SYCE2: variants seen among roughly 807,000 people sequenced by gnomAD.
SYCE2 encodes the protein central element synaptonemal complex 1.
A neutral mutation model predicts 27.9 loss-of-function variants in SYCE2; 3 were observed. The ratio of observed to expected loss-of-function variants is 0.11; its 90% CI spans 0.05 to 0.28. SYCE2 has a LOEUF of 0.28. Ranked by LOEUF, SYCE2 falls within the 10% of genes least tolerant of loss-of-function variation. The pLI is 1.00. For missense variants in SYCE2, 207 were observed against 263.5 expected, an observed-to-expected ratio of 0.79 and a Z score of 1.48; for synonymous variants, 85 against 100.7, an observed-to-expected ratio of 0.84 and a Z score of 0.93.
intron 2 of SYCE2, among the ~76,000 whole-genome samples, chr19:12,916,920 TTG>T (rs1169322863): frequency 4.6e-5 from 7 of 152,102 alleles, no homozygotes; most frequent in East Asian, 1.9e-4. Context: ...TGGCTGATTT[TTG>T]TGTTTTTAGT....
chr19:12,916,037 G>A (rs927718821), intron 2 of SYCE2, among the ~76,000 whole-genome samples: 11 of 151,320 alleles, frequency 7.3e-5, no homozygotes, highest in African/African-American at 2.7e-4. Context: ...GAGTGTCCCT[G>A]CTGCCAATCA....
intron 2 of SYCE2, among the ~76,000 whole-genome samples, chr19:12,908,999 A>C (rs1174309687): frequency 6.6e-6 from 1 of 152,200 alleles, no homozygotes. Context: ...TCATTCCCGT[A>C]GCATGGGATC....
intron 2 of SYCE2, among the ~76,000 whole-genome samples, chr19:12,905,064 TGA>T (rs1000682405): frequency 6.6e-6 from 1 of 151,478 alleles, no homozygotes; most frequent in Admixed American, 6.6e-5. Context: ...GCGGCTGATC[TGA>T]GAGAGATCAG....
At chr19:12,907,556 C>T (rs930988197) in intron 2 of SYCE2, among the ~76,000 whole-genome samples, 2 of 150,860 alleles carry the variant, frequency 1.3e-5, no homozygotes, top group East Asian at 2.0e-4. Flanking sequence ...TTTGGGAGGC[C>T]GAGGCGGGTA....
At chr19:12,900,358 G>T in intron 4 of SYCE2, 102 bp downstream of exon 4, 1 of 1,309,370 alleles carries the variant, frequency 7.6e-7, no homozygotes, top group South Asian at 1.5e-5. Flanking sequence ...GTGGCCTGGC[G>T]GGGTCAGGGC....
rs147192090 is a variant in SYCE2, at chr19:12,918,467, G to A, written c.16-130C>T. The A allele has an allele frequency of 2.5e-3, 1,914 of 779,300 alleles. 26 individuals are homozygous for A. In the African/African-American group the frequency reaches 0.029, roughly 12 times the overall value. The allele number at this position is 779,300 out of a possible 1,614,324, so 48.3% of individuals were successfully genotyped here. A position where few individuals can be genotyped will look rare whatever the true frequency, so the allele number is the denominator to read the frequency against. On this transcript the variant is annotated intron_variant, in intron 1 of 5. Transcript: ENST00000293695. The stretch of plus-strand genomic sequence containing the variant: ...GACGGTGGGGACCCGCAGGAAAGAC[G>A]GGCAGGGCTGGGGCAGGTGCCATGA...
chr19:12,904,563 C>T lies in SYCE2; in HGVS notation c.235G>A (p.Glu79Lys), dbSNP rs1036078687. The T allele has an allele frequency of 7.4e-6, 12 of 1,614,002 alleles. No homozygotes were observed. Among genetic ancestry groups the T allele is most frequent in the Middle Eastern group, 1.6e-4 (1 of 6,062 alleles). ...TTTTGCCGGCTCTTGTTGATGTTTT[C>T]GATCAGCTCCTGGGCTCTCTTCTGC... ...ILQKRAQELI[E>K]NINKSRQKDH... The change falls in exon 3 of 6, where the codon GAA becomes AAA. Residue 79 changes from glutamate to lysine, a missense_variant. Physicochemically the swap from Glu to Lys is moderately conservative, Grantham distance 56 (BLOSUM62 1). Coordinates refer to ENST00000293695, the MANE Select transcript of SYCE2 (RefSeq NM_001105578.2).
chr19:12,899,235 G>A lies in SYCE2; in HGVS notation c.*106C>T. 1 of 1,045,866 alleles carries A rather than the reference G, an allele frequency of 9.6e-7. No individual in the cohort carries two copies. The highest frequency in any genetic ancestry group is 1.5e-6 in the Non-Finnish European group (1 of 683,224). The allele number at this position is 1,045,866 out of a possible 1,614,324, so 64.8% of individuals were successfully genotyped here. Reference sequence around the variant, plus strand: ...TTGGGTTTTTGTTTTTTTCTGCCAAGATGCATTATAGAACCATGAAAAACA... The same window carrying A: ...TTGGGTTTTTGTTTTTTTCTGCCAAAATGCATTATAGAACCATGAAAAACA... On this transcript the variant is annotated 3_prime_UTR_variant, in exon 6 of 6. Transcript: ENST00000293695.
At chr19:12,910,992 T>C (rs1971037516) in intron 2 of SYCE2, among the ~76,000 whole-genome samples, 1 of 151,942 alleles carries the variant, frequency 6.6e-6, no homozygotes, top group Non-Finnish European at 1.5e-5. Context: ...TTTTTTTTTC[T>C]TTTGAAGGCA....
intron 2 of SYCE2, among the ~76,000 whole-genome samples, chr19:12,907,434 A>G (rs1970955248): frequency 6.6e-6 from 1 of 152,248 alleles, no homozygotes; most frequent in African/African-American, 2.4e-5. Context: ...AGGTGTGGAC[A>G]GAGCAGTTCC....
intron 2 of SYCE2, among the ~76,000 whole-genome samples, chr19:12,914,440 C>T (rs1490276871): frequency 2.0e-5 from 3 of 152,012 alleles, no homozygotes; most frequent in African/African-American, 7.2e-5. Context: ...ACATCATGGC[C>T]GGGAAACATC....
Position 12,900,443 on chromosome 19 carries a change from T to C in SYCE2, c.495+17A>G. The C allele has an allele frequency of 6.2e-7, 1 of 1,609,288 alleles. No individual in the cohort carries two copies. The highest frequency in any genetic ancestry group is 8.5e-7 in the Non-Finnish European group (1 of 1,177,440). Reference sequence around the variant, plus strand: ...CCTCTTCCTCAGGCAGCGCCCCCCCTGTGAGTTTACTCATACCTCAGGCTG... The same window carrying C: ...CCTCTTCCTCAGGCAGCGCCCCCCCCGTGAGTTTACTCATACCTCAGGCTG... On this transcript the variant is annotated intron_variant, in intron 4 of 5. Transcript: ENST00000293695.
At chr19:12,911,867 C>T (rs541253851) in intron 2 of SYCE2, among the ~76,000 whole-genome samples, 87 of 151,844 alleles carry the variant, frequency 5.7e-4, no homozygotes, top group African/African-American at 2.0e-3. Context: ...ATCCACCTGC[C>T]TTGGCCTCCC....
chr19:12,899,834 C>T, intron 5 of SYCE2, 170 bp downstream of exon 5: 2 of 1,572,354 alleles, frequency 1.3e-6, no homozygotes, highest in Non-Finnish European at 1.7e-6. Context: ...GACATGGAAG[C>T]AACTCCGTCT....
rs926799623 is a variant in SYCE2, at chr19:12,899,043, G to C, written c.*298C>G. ...TGCTGTGTTTCCTTGGAGCTCAGGG[G>C]TGCTTTCAGCCTCTGTGGCAAGGAA... On this transcript the variant is annotated 3_prime_UTR_variant, in exon 6 of 6. Coordinates refer to ENST00000293695, the MANE Select transcript of SYCE2 (RefSeq NM_001105578.2). The C allele has an allele frequency of 6.6e-6, 3 of 452,134 alleles. No homozygotes were observed. In the South Asian group the frequency reaches 6.7e-5, roughly 10 times the overall value. 28.0% of individuals were successfully genotyped at this position (452,134 alleles called of 1,614,324 possible). A position where few individuals can be genotyped will look rare whatever the true frequency, so the allele number is the denominator to read the frequency against.
intron 3 of SYCE2, among the ~76,000 whole-genome samples, chr19:12,901,197 T>C (rs1287358872): frequency 6.7e-6 from 1 of 149,274 alleles, no homozygotes; most frequent in Non-Finnish European, 1.5e-5. Flanking sequence ...AATAAATAAA[T>C]AAATAAATAA....
At chr19:12,912,236 T>C (rs1971061371) in intron 2 of SYCE2, among the ~76,000 whole-genome samples, 1 of 151,824 alleles carries the variant, frequency 6.6e-6, no homozygotes, top group Admixed American at 6.5e-5. Flanking sequence ...AAGCCCGATC[T>C]AGCCTTACTG....
intron 3 of SYCE2, 98 bp from the exon 4 acceptor site, chr19:12,900,746 T>A (rs946801534): frequency 8.2e-7 from 1 of 1,215,492 alleles, no homozygotes; most frequent in Non-Finnish European, 1.2e-6. Flanking sequence ...ATTTATCTTA[T>A]GAAAATGACA....
At chr19:12,908,450 G>A (rs527531419) in intron 2 of SYCE2, among the ~76,000 whole-genome samples, 3 of 151,696 alleles carry the variant, frequency 2.0e-5, no homozygotes, top group South Asian at 2.1e-4. Context: ...TCAGCCTCCC[G>A]AGTAGCTGGG....
Sources: gnomAD v4.1 joint callset for allele counts (sites outside exome capture counted in the v4.1 genomes callset) on GRCh38, gnomAD v4.1.1 for gene constraint, MANE v1.5 for transcripts, NCBI Gene and HGNC (gene_info 2026-07-23, HGNC 2026-07-21) for gene names.